Variants in SUB1 observed in about 807,000 individuals in gnomAD.
SUB1 encodes SUB1 regulator of transcription.
Under a neutral mutation model 16.9 loss-of-function variants are expected in SUB1, and 1 was observed. The ratio of observed to expected loss-of-function variants is 0.06; its 90% CI spans 0.02 to 0.28. SUB1 has a LOEUF of 0.28. Among genes scored for constraint, SUB1 ranks in the 10% least tolerant of loss-of-function variants. The pLI is 1.00. For missense variants in SUB1, 84 were observed against 145.2 expected (o/e 0.58, Z 2.16); for synonymous variants, 51 against 46.9 (o/e 1.09, Z -0.36).
At chr5:32,589,633 A>G (rs547573213) in intron 2 of SUB1, among the ~76,000 whole-genome samples, 17 of 152,242 alleles carry the variant, frequency 1.1e-4, no homozygotes, top group Non-Finnish European at 2.4e-4. Context: ...TCAGTGGAGC[A>G]TAACTGAGCG....
chr5:32,593,560 C>T (rs1364155494), intron 3 of SUB1, among the ~76,000 whole-genome samples: 1 of 152,120 alleles, frequency 6.6e-6, no homozygotes. Flanking sequence ...AAAACTAGAT[C>T]TAATTTTAGG....
chr5:32,593,948 T>C (rs1738893660), intron 3 of SUB1, among the ~76,000 whole-genome samples: 1 of 152,168 alleles, frequency 6.6e-6, no homozygotes, highest in Non-Finnish European at 1.5e-5. Flanking sequence ...TGCCTTGGCC[T>C]CCCAAAGTGC....
In SUB1 at chr5:32,603,694, A is replaced by T. The variant is rs1167232336; in HGVS notation, c.*2610A>T. The T allele has an allele frequency of 6.6e-6, 1 of 152,228 alleles. No individual in the cohort carries two copies. The highest frequency in any genetic ancestry group is 1.5e-5 in the Non-Finnish European group (1 of 68,028). 9.4% of individuals were successfully genotyped at this position (152,228 alleles called of 1,614,324 possible). On this transcript the variant is annotated 3_prime_UTR_variant, in exon 5 of 5. Transcript: ENST00000265073. Reference sequence around the variant, plus strand: ...GCGTTTAGAAACAAAGACTTGGGTGAAAAATGAAATAAGTATATTCTGACT... The same window carrying T: ...GCGTTTAGAAACAAAGACTTGGGTGTAAAATGAAATAAGTATATTCTGACT...
intron 3 of SUB1, chr5:32,596,748 C>G (rs1738978350): frequency 6.6e-6 from 1 of 152,122 alleles, no homozygotes; most frequent in South Asian, 2.1e-4. Flanking sequence ...CCGTTGTGTT[C>G]CACTGACCTC....
At chr5:32,591,834 G>A in intron 3 of SUB1, 149 bp downstream of exon 3, 3 of 942,218 alleles carry the variant, frequency 3.2e-6, no homozygotes, top group Non-Finnish European at 4.3e-6. Flanking sequence ...CGAGTAGCTA[G>A]GATTACAGGC....
chr5:32,585,720 C>G (rs1416540761), intron 1 of SUB1, 95 bp downstream of exon 1: 1 of 152,402 alleles, frequency 6.6e-6, no homozygotes, highest in African/African-American at 2.4e-5. Flanking sequence ...CTCTCGCCGG[C>G]AATGGCCGCG....
Position 32,602,351 on chromosome 5 carries a change from A to G in SUB1, c.*1267A>G. Reference sequence around the variant, plus strand: ...TCTCTTCTATCTAAATGATATACATATGATATTTTGAGATTTTTATAACAG... The same window carrying G: ...TCTCTTCTATCTAAATGATATACATGTGATATTTTGAGATTTTTATAACAG... On this transcript the variant is annotated 3_prime_UTR_variant, in exon 5 of 5. Coordinates refer to ENST00000265073, the MANE Select transcript of SUB1 (RefSeq NM_006713.4). 3.0e-6 allele frequency: 1 copy of G among 338,786 alleles called. No individual in the cohort carries two copies. The highest frequency in any genetic ancestry group is 5.8e-6 in the Non-Finnish European group (1 of 171,556). The allele number at this position is 338,786 out of a possible 1,614,324, so 21.0% of individuals were successfully genotyped here.
intron 2 of SUB1, among the ~76,000 whole-genome samples, chr5:32,590,705 C>T (rs1481455874): frequency 6.7e-6 from 1 of 149,086 alleles, no homozygotes; most frequent in Non-Finnish European, 1.5e-5. Context: ...AAGCGATTCT[C>T]CTGCCTCAGC....
intron 4 of SUB1, among the ~76,000 whole-genome samples, chr5:32,600,606 A>ATT (rs11299034): frequency 2.1e-5 from 3 of 143,928 alleles, no homozygotes; most frequent in Non-Finnish European, 3.1e-5. Context: ...CCAAGTGGCA[A>ATT]TTTTTTTTTT....
At chr5:32,591,962 T>C (rs979967608) in intron 3 of SUB1, among the ~76,000 whole-genome samples, 3 of 152,180 alleles carry the variant, frequency 2.0e-5, no homozygotes, top group African/African-American at 7.2e-5. Context: ...CCTCCAAAAG[T>C]GCTGGGTTTA....
At chr5:32,588,450 G>C (rs1426441139) in intron 1 of SUB1, 62 bp from the exon 2 acceptor site, 2 of 1,427,358 alleles carry the variant, frequency 1.4e-6, no homozygotes, top group Non-Finnish European at 1.9e-6. Context: ...GATTGGGGGA[G>C]AGCTAAGTTG....
In SUB1 at chr5:32,602,425, CAT is replaced by C. The variant is rs1461409903; in HGVS notation, c.*1345_*1346del. The C allele has an allele frequency of 8.7e-6, 2 of 230,980 alleles. No individual in the cohort carries two copies. Among genetic ancestry groups the C allele is most frequent in the South Asian group, 4.6e-5 (1 of 21,750 alleles). 14.3% of individuals were successfully genotyped at this position (230,980 alleles called of 1,614,324 possible). A position where few individuals can be genotyped will look rare whatever the true frequency, so the allele number is the denominator to read the frequency against. On this transcript the variant is annotated 3_prime_UTR_variant, in exon 5 of 5. Transcript: ENST00000265073. ...AGTAGAAAAAGGAAAGTTTTAAAGA[CAT>C]ATAAAAGATTCTTGTTGACAAATTA...
intron 4 of SUB1, 113 bp downstream of exon 4, chr5:32,599,182 A>T: frequency 1.4e-6 from 1 of 708,008 alleles, no homozygotes; most frequent in Non-Finnish European, 2.4e-6. Context: ...AGTCTTACTC[A>T]ATTGATTCTC....
rs756029778 is a variant in SUB1, at chr5:32,588,594, G to A, written c.72+10G>A. Reference sequence around the variant, plus strand: ...TGAGGTTGACAAAAAGGTGACTACTGCTGCACCAAGTCATTTTGGTGATAC... The same window carrying A: ...TGAGGTTGACAAAAAGGTGACTACTACTGCACCAAGTCATTTTGGTGATAC... On this transcript the variant is annotated intron_variant, in intron 2 of 4. Transcript: ENST00000265073. 2.7e-5 allele frequency: 43 copies of A among 1,610,872 alleles called. No individual in the cohort carries two copies. Among genetic ancestry groups the A allele is most frequent in the Non-Finnish European group, 3.5e-5 (41 of 1,178,240 alleles).
intron 3 of SUB1, chr5:32,594,517 G>C: frequency 2.3e-6 from 1 of 430,116 alleles, no homozygotes. Context: ...TTAATCTGGG[G>C]CAGGAGTCCA....
chr5:32,603,280 A>G lies in SUB1; in HGVS notation c.*2196A>G, dbSNP rs771443848. ...AATTAACTTGTTCTGAAAAGAAAGT[A>G]TAGATTAATTTTGTTTTCTGTTTAA... On this transcript the variant is annotated 3_prime_UTR_variant, in exon 5 of 5. Coordinates refer to ENST00000265073, the MANE Select transcript of SUB1 (RefSeq NM_006713.4). The G allele has an allele frequency of 6.6e-6, 1 of 152,334 alleles. No individual in the cohort carries two copies. Among genetic ancestry groups the G allele is most frequent in the Non-Finnish European group, 1.5e-5 (1 of 67,996 alleles). The allele number at this position is 152,334 out of a possible 1,614,324, so 9.4% of individuals were successfully genotyped here.
intron 4 of SUB1, among the ~76,000 whole-genome samples, chr5:32,600,612 T>C (rs1739091381): frequency 6.6e-6 from 1 of 152,256 alleles, no homozygotes; most frequent in Non-Finnish European, 1.5e-5. Context: ...GGCAATTTTT[T>C]TTTTTTTTTT....
At chr5:32,589,114 G>A (rs561935212) in intron 2 of SUB1, among the ~76,000 whole-genome samples, 1 of 151,898 alleles carries the variant, frequency 6.6e-6, no homozygotes, top group Admixed American at 6.6e-5. Flanking sequence ...TTAAAGACAG[G>A]GTCTTACTCT....
At chr5:32,597,510 G>T in intron 3 of SUB1, 1 of 152,102 alleles carries the variant, frequency 6.6e-6, no homozygotes, top group East Asian at 1.9e-4. Flanking sequence ...GAATAATGCT[G>T]CTATGAACAT....
Sources: gnomAD v4.1 joint callset for allele counts (sites outside exome capture counted in the v4.1 genomes callset) on GRCh38, gnomAD v4.1.1 for gene constraint, MANE v1.5 for transcripts, NCBI Gene and HGNC (gene_info 2026-07-23, HGNC 2026-07-21) for gene names.